NWD2: variants seen among roughly 807,000 people sequenced by gnomAD.
The protein encoded by NWD2 is NACHT and WD repeat domain-containing protein 2.
NWD2 carries 37 observed loss-of-function variants against 132.7 expected under a neutral mutation model. That is an observed-to-expected ratio of 0.28 (90% CI 0.21 to 0.37). NWD2 has a LOEUF of 0.37. Among genes scored for constraint, NWD2 ranks in the 10% least tolerant of loss-of-function variants. The probability of loss-of-function intolerance (pLI) is 1.00; values close to 1 mark genes in which losing one functional copy is unlikely to be tolerated. For synonymous variants in NWD2, 705 were observed against 803.0 expected (o/e 0.88, Z 2.06); for missense variants, 1,592 against 2,122.4 (o/e 0.75, Z 4.91).
intron 1 of NWD2, among the ~76,000 whole-genome samples, chr4:37,285,544 G>T (rs1718213716): frequency 6.6e-6 from 1 of 151,854 alleles, no homozygotes; most frequent in African/African-American, 2.4e-5. Context: ...AAATGATTGG[G>T]GATTGTTCTC....
At chr4:37,349,073 A>G (rs1719710746) in intron 2 of NWD2, among the ~76,000 whole-genome samples, 1 of 152,004 alleles carries the variant, frequency 6.6e-6, no homozygotes, top group Non-Finnish European at 1.5e-5. Context: ...TTCTTTATCC[A>G]GTCTATCACT....
intron 3 of NWD2, among the ~76,000 whole-genome samples, chr4:37,428,442 T>G (rs1036136496): frequency 1.8e-4 from 28 of 152,252 alleles, no homozygotes; most frequent in African/African-American, 6.8e-4. Context: ...TCCCTCCTTA[T>G]TTCTGCTAGA....
Position 37,446,489 on chromosome 4 carries a change from G to A in NWD2, c.4501G>A (p.Glu1501Lys), listed in dbSNP as rs1407601509. 2.6e-6 allele frequency: 4 copies of A among 1,551,662 alleles called. No individual in the cohort carries two copies. The South Asian group carries it at 3.6e-5, about 14-fold the overall frequency. Reference protein sequence around the residue: ...PDIIVFITSAETVNIWSLTDE... With the variant: ...PDIIVFITSAKTVNIWSLTDE... ...TATCATCGTGTTTATCACATCGGCC[G>A]AGACTGTGAACATCTGGAGTCTGAC... The change falls in exon 7 of 7, where the codon GAG becomes AAG. Residue 1501 changes from glutamate to lysine, a missense_variant. Glu to Lys is a moderately conservative substitution (Grantham distance 56, BLOSUM62 1). Around this residue, in one of 7 missense-constraint regions of NWD2, gnomAD observed 257 missense variants for 335.0 expected, o/e 0.77. Coordinates refer to ENST00000309447, the MANE Select transcript of NWD2 (RefSeq NM_001144990.2). The surrounding 1 kb of genome is among the most constrained non-coding windows in gnomAD (Gnocchi z 6.7).
Position 37,393,589 on chromosome 4 carries a change from G to A in NWD2, c.358-36983G>A, listed in dbSNP as rs28685072. 7.1e-3 allele frequency among the ~76,000 whole-genome samples: 1,088 copies of A among 152,274 alleles called. 13 individuals are homozygous for A. The highest frequency in any genetic ancestry group is 0.024 in the African/African-American group (1,010 of 41,542). On this transcript the variant is annotated intron_variant, in intron 3 of 6. Transcript: ENST00000309447. ...CACAGACTCCTTAACGGGCCATTGCGTCTCTTAGTAGGGACCACTATTTTA... is the reference window on the plus strand; with the variant it reads ...CACAGACTCCTTAACGGGCCATTGCATCTCTTAGTAGGGACCACTATTTTA...
chr4:37,361,954 T>TATC (rs1399255649), intron 3 of NWD2, among the ~76,000 whole-genome samples: 2 of 152,180 alleles, frequency 1.3e-5, no homozygotes, highest in Non-Finnish European at 2.9e-5. Flanking sequence ...CTCCCATAAC[T>TATC]GATAAACAAC....
chr4:37,398,607 C>CTATG (rs1720847591), intron 3 of NWD2, among the ~76,000 whole-genome samples: 2 of 152,322 alleles, frequency 1.3e-5, no homozygotes, highest in Admixed American at 1.3e-4. Context: ...CATTCAAAGC[C>CTATG]TATGGTCTTT....
chr4:37,438,270 A>G (rs1354749885), intron 5 of NWD2, among the ~76,000 whole-genome samples: 1 of 152,064 alleles, frequency 6.6e-6, no homozygotes, highest in Non-Finnish European at 1.5e-5. Flanking sequence ...AAACAAAAAA[A>G]AAAAAAGAAA....
At chr4:37,328,925 A>G (rs1316153019) in intron 2 of NWD2, among the ~76,000 whole-genome samples, 1 of 152,146 alleles carries the variant, frequency 6.6e-6, no homozygotes, top group Non-Finnish European at 1.5e-5. Context: ...TAAGTTCCAT[A>G]AAAGCAGAGG....
intron 1 of NWD2, among the ~76,000 whole-genome samples, chr4:37,285,259 A>AT (rs1483413876): frequency 6.6e-6 from 1 of 151,776 alleles, no homozygotes; most frequent in Non-Finnish European, 1.5e-5. Flanking sequence ...CTTTTCTTTC[A>AT]TTTTTTTCCT....
At chr4:37,265,284 A>G (rs1311115969) in intron 1 of NWD2, among the ~76,000 whole-genome samples, 2 of 152,138 alleles carry the variant, frequency 1.3e-5, no homozygotes, top group Non-Finnish European at 2.9e-5. Flanking sequence ...CTGTGTAAAG[A>G]CACACAGAAG....
At chr4:37,340,544 G>A (rs895277381) in intron 2 of NWD2, among the ~76,000 whole-genome samples, 2 of 152,192 alleles carry the variant, frequency 1.3e-5, no homozygotes, top group Non-Finnish European at 2.9e-5. Context: ...CCAGGGTGGT[G>A]CTTGCAGCCC....
At chr4:37,342,967 C>G (rs1719560234) in intron 2 of NWD2, among the ~76,000 whole-genome samples, 1 of 152,118 alleles carries the variant, frequency 6.6e-6, no homozygotes, top group Non-Finnish European at 1.5e-5. Flanking sequence ...TCATATGTCT[C>G]ATAATCAAGA....
intron 1 of NWD2, among the ~76,000 whole-genome samples, chr4:37,300,158 TG>T (rs1311434565): frequency 1.3e-5 from 2 of 152,180 alleles, no homozygotes; most frequent in African/African-American, 4.8e-5. Flanking sequence ...CAAAACTAAT[TG>T]TTCCTCTCTC....
intron 2 of NWD2, among the ~76,000 whole-genome samples, chr4:37,328,615 G>A (rs1262765143): frequency 2.7e-5 from 4 of 150,290 alleles, no homozygotes; most frequent in South Asian, 4.2e-4. Context: ...TGGTGTAGAT[G>A]TGCCACGTTT....
At chr4:37,263,136 A>G (rs1411520413) in intron 1 of NWD2, among the ~76,000 whole-genome samples, 3 of 152,194 alleles carry the variant, frequency 2.0e-5, no homozygotes, top group Non-Finnish European at 4.4e-5. Flanking sequence ...CAGGAGCTGC[A>G]TGGTCCAGCT....
chr4:37,325,913 G>T (rs769801939), intron 1 of NWD2, 23 bp from the exon 2 acceptor site: 54 of 1,434,264 alleles, frequency 3.8e-5, no homozygotes, highest in Non-Finnish European at 5.0e-5. Context: ...CTCACTTCCT[G>T]TGTGTTTGTC....
chr4:37,406,654 T>C (rs750839817), intron 3 of NWD2, among the ~76,000 whole-genome samples: 37 of 152,268 alleles, frequency 2.4e-4, no homozygotes, highest in Non-Finnish European at 4.6e-4. Flanking sequence ...TCCCAGCACT[T>C]TGGGAGGCCG....
chr4:37,332,524 C>T (rs1188624408), intron 2 of NWD2, among the ~76,000 whole-genome samples: 5 of 151,670 alleles, frequency 3.3e-5, no homozygotes, highest in African/African-American at 7.3e-5. Context: ...GCCATGATCT[C>T]CCCAAATGAG....
At chr4:37,372,579 A>G (rs1209912369) in intron 3 of NWD2, among the ~76,000 whole-genome samples, 2 of 152,188 alleles carry the variant, frequency 1.3e-5, no homozygotes, top group East Asian at 3.8e-4. Context: ...ACGGGTCTCA[A>G]ATTCCATTTG....
Sources: gnomAD v4.1 joint callset for allele counts (sites outside exome capture counted in the v4.1 genomes callset) on GRCh38, gnomAD v4.1.1 for gene constraint, gnomAD v4.1.1 regional missense constraint, Gnocchi (gnomAD v3.1) non-coding constraint, MANE v1.5 for transcripts, NCBI Gene and HGNC (gene_info 2026-07-23, HGNC 2026-07-21) for gene names.